NANOG: variants seen among roughly 807,000 people sequenced by gnomAD.
NANOG encodes the protein homeobox protein NANOG.
Under a neutral mutation model 17.7 loss-of-function variants are expected in NANOG, and 2 were observed. The ratio of observed to expected loss-of-function variants is 0.11; its 90% confidence interval spans 0.05 to 0.36. The LOEUF (loss-of-function observed/expected upper bound fraction) is 0.36, where lower values mean the gene tolerates loss of function less well. Ranked by LOEUF, NANOG falls within the 10% of genes least tolerant of loss-of-function variation. NANOG has a pLI of 1.00. For synonymous variants in NANOG, 81 were observed against 124.7 expected, an observed-to-expected ratio of 0.65 and a Z score of 2.33; for missense variants, 174 against 362.1, an observed-to-expected ratio of 0.48 and a Z score of 4.22.
chr12:7,796,391 C>T lies in NANOG; in HGVS notation c.*1296C>T, dbSNP rs7967839. The T allele has an allele frequency of 0.66, 100,549 of 151,768 alleles. 35,675 individuals are homozygous for T. Among genetic ancestry groups the T allele is most frequent in the Non-Finnish European group, 0.79 (53,936 of 67,874 alleles). 9.4% of individuals were successfully genotyped at this position (151,768 alleles called of 1,614,324 possible). On this transcript the variant is annotated 3_prime_UTR_variant, in exon 4 of 4. Transcript: ENST00000229307. ...CCAGTTTTAGAAAAAAGGGCACTTA[C>T]GTGCATTGTACATGTGCATCTACAA...
At position 7,793,936 on chromosome 12, in the gene NANOG, G is replaced by A. The variant is rs1292713304; in HGVS notation, c.415-521G>A. On this transcript the variant is annotated intron_variant, in intron 2 of 3. Transcript: ENST00000229307. The stretch of plus-strand genomic sequence containing the variant: ...TTACTGTATTTTTTAGTAGAGATGG[G>A]GCTTCACCATGTTGGCCAGGCTGGT... 2.6e-5 allele frequency among the ~76,000 whole-genome samples: 4 copies of A among 152,046 alleles called. No homozygotes were observed. The South Asian group carries it at 6.2e-4, about 24-fold the overall frequency.
At position 7,789,402 on chromosome 12, in the gene NANOG, A is replaced by G. The variant is rs745333587; in HGVS notation, c.-213A>G. 2.3e-5 allele frequency: 13 copies of G among 573,836 alleles called. No homozygotes were observed. In the East Asian group the frequency reaches 3.8e-4, roughly 17 times the overall value. 35.5% of individuals were successfully genotyped at this position (573,836 alleles called of 1,614,324 possible). ...GGTCTAAGGTGATAGAGCCTTCATTATAAATCTAGAGACTCCAGGATTTTA... is the reference window on the plus strand; with the variant it reads ...GGTCTAAGGTGATAGAGCCTTCATTGTAAATCTAGAGACTCCAGGATTTTA... On this transcript the variant is annotated 5_prime_UTR_variant, in exon 1 of 4. Transcript: ENST00000229307.
chr12:7,799,124 A>AT lies in NANOG; in HGVS notation c.*4030dup, dbSNP rs1219781700. 4 of 152,136 alleles carry AT rather than the reference A, an allele frequency of 2.6e-5. No homozygotes were observed. The highest frequency in any genetic ancestry group is 5.9e-5 in the Non-Finnish European group (4 of 68,044). The allele number at this position is 152,136 out of a possible 1,614,324, so 9.4% of individuals were successfully genotyped here. A position where few individuals can be genotyped will look rare whatever the true frequency, so the allele number is the denominator to read the frequency against. ...TTGGTGTAAACTCTGTGGTCCTTGAATAAAGTGTGCTTGAGAATTTTAGAA... is the reference window on the plus strand; with the variant it reads ...TTGGTGTAAACTCTGTGGTCCTTGAATTAAAGTGTGCTTGAGAATTTTAGAA... On this transcript the variant is annotated 3_prime_UTR_variant, in exon 4 of 4. Coordinates refer to ENST00000229307, the MANE Select transcript of NANOG (RefSeq NM_024865.4).
At chr12:7,790,842 C>T (rs771404603) in intron 1 of NANOG, among the ~76,000 whole-genome samples, 1 of 152,116 alleles carries the variant, frequency 6.6e-6, no homozygotes, top group Non-Finnish European at 1.5e-5. Context: ...ACCCTGAGAT[C>T]AAGTGATCCT....
rs1230007412 is a variant in NANOG, at chr12:7,797,838, A to G, written c.*2743A>G. On this transcript the variant is annotated 3_prime_UTR_variant, in exon 4 of 4. Coordinates refer to ENST00000229307, the MANE Select transcript of NANOG (RefSeq NM_024865.4). ...CAGCTAACTTTTGTGTTTTTAGGAG[A>G]GACGGGGTTTCCCCATGTTGGCCTG... The G allele has an allele frequency of 6.6e-6, 1 of 152,096 alleles. No individual in the cohort carries two copies. The highest frequency in any genetic ancestry group is 1.5e-5 in the Non-Finnish European group (1 of 68,088). 9.4% of individuals were successfully genotyped at this position (152,096 alleles called of 1,614,324 possible).
intron 2 of NANOG, 98 bp from the exon 3 acceptor site, chr12:7,794,359 T>G: frequency 2.6e-6 from 3 of 1,137,204 alleles, no homozygotes; most frequent in Non-Finnish European, 3.8e-6. Context: ...AGGCATGAGA[T>G]ATGGCACCTG....
Position 7,799,058 on chromosome 12 carries a change from G to C in NANOG, c.*3963G>C, listed in dbSNP as rs965650466. The C allele has an allele frequency of 1.3e-5, 2 of 151,898 alleles. No homozygotes were observed. The highest frequency in any genetic ancestry group is 4.8e-5 in the African/African-American group (2 of 41,364). 9.4% of individuals were successfully genotyped at this position (151,898 alleles called of 1,614,324 possible). On this transcript the variant is annotated 3_prime_UTR_variant, in exon 4 of 4. Coordinates refer to ENST00000229307, the MANE Select transcript of NANOG (RefSeq NM_024865.4). ...AAACTTGATTGAAAAGAAGCTGCTG[G>C]TGGTGAGTCTCTCCTTAAGCTATTC...
At chr12:7,793,266 T>G (rs182340161) in intron 2 of NANOG, 54 bp downstream of exon 2, 1 of 1,571,208 alleles carries the variant, frequency 6.4e-7, no homozygotes, top group East Asian at 2.2e-5. Flanking sequence ...CTAATTTGCA[T>G]GGCTAAGACC....
chr12:7,790,676 A>C (rs1432409718), intron 1 of NANOG, among the ~76,000 whole-genome samples: 1 of 152,200 alleles, frequency 6.6e-6, no homozygotes, highest in Admixed American at 6.5e-5. Context: ...ACAGTTGTAA[A>C]GAGTAGGTTG....
In NANOG at chr12:7,796,127, T is replaced by C. The variant is rs1270872556; in HGVS notation, c.*1032T>C. 6.6e-6 allele frequency: 1 copy of C among 152,114 alleles called. No individual in the cohort carries two copies. Among genetic ancestry groups the C allele is most frequent in the Non-Finnish European group, 1.5e-5 (1 of 68,032 alleles). The allele number at this position is 152,114 out of a possible 1,614,324, so 9.4% of individuals were successfully genotyped here. ...GCTGAGGACACTGCTATCTTAGAAA[T>C]GCATAGAAATAGCTGAGCGTGGTGG... On this transcript the variant is annotated 3_prime_UTR_variant, in exon 4 of 4. Transcript: ENST00000229307.
In NANOG at chr12:7,797,299, A is replaced by G. The variant is rs12826456; in HGVS notation, c.*2204A>G. On this transcript the variant is annotated 3_prime_UTR_variant, in exon 4 of 4. Coordinates refer to ENST00000229307, the MANE Select transcript of NANOG (RefSeq NM_024865.4). Reference sequence around the variant, plus strand: ...TCGAACTCCTGACCTCAGGTGATCCACCTGACTCGGCCTCCCAAAGTGGTG... The same window carrying G: ...TCGAACTCCTGACCTCAGGTGATCCGCCTGACTCGGCCTCCCAAAGTGGTG... 98,952 of 148,952 alleles carry G rather than the reference A, an allele frequency of 0.66. 35,169 individuals are homozygous for G. The highest frequency in any genetic ancestry group is 0.8 in the Non-Finnish European group (53,844 of 67,656). 9.2% of individuals were successfully genotyped at this position (148,952 alleles called of 1,614,324 possible).
Position 7,793,035 on chromosome 12 carries a change from T to G in NANOG, c.237T>G (p.Ser79=). Residue 79 remains serine, a synonymous_variant, in exon 2 of 4, where the codon TCT becomes TCG. Coordinates refer to ENST00000229307, the MANE Select transcript of NANOG (RefSeq NM_024865.4). ...STSPKGKQPT[S]AEKSVAKKED... is the part of the protein sequence containing the mutation. ...GTCCCAAAGGCAAACAACCCACTTCTGCAGAGAAGAGTGTCGCAAAAAAGG... is the reference window on the plus strand; with the variant it reads ...GTCCCAAAGGCAAACAACCCACTTCGGCAGAGAAGAGTGTCGCAAAAAAGG... 2.5e-6 allele frequency: 4 copies of G among 1,609,626 alleles called. No homozygotes were observed. The highest frequency in any genetic ancestry group is 3.4e-6 in the Non-Finnish European group (4 of 1,176,642).
Position 7,797,576 on chromosome 12 carries a change from C to CA in NANOG, c.*2481_*2482insA, listed in dbSNP as rs1037423484. On this transcript the variant is annotated 3_prime_UTR_variant, in exon 4 of 4. Coordinates refer to ENST00000229307, the MANE Select transcript of NANOG (RefSeq NM_024865.4). ...TTCACCGTATTGACCAGGCTGGTCT[C>CA]GAACTCCTGACCTCAGGTAATCCAC... The CA allele has an allele frequency of 1.3e-5, 2 of 151,954 alleles. No homozygotes were observed. Among genetic ancestry groups the CA allele is most frequent in the African/African-American group, 4.8e-5 (2 of 41,318 alleles). 9.4% of individuals were successfully genotyped at this position (151,954 alleles called of 1,614,324 possible). A position where few individuals can be genotyped will look rare whatever the true frequency, so the allele number is the denominator to read the frequency against.
chr12:7,791,811 A>AG (rs1862844599), intron 1 of NANOG, among the ~76,000 whole-genome samples: 1 of 152,234 alleles, frequency 6.6e-6, no homozygotes, highest in East Asian at 1.9e-4. Context: ...GAGCTAGTAA[A>AG]GGGAAGGCCT....
Position 7,795,812 on chromosome 12 carries a change from G to GGT in NANOG, c.*718_*719dup, listed in dbSNP as rs776236707. Reference sequence around the variant, plus strand: ...TTGCTTATTTTTTAAAAACTATTGAGGTAAAGGGTTAAGCTGTAACATACT... The same window carrying GGT: ...TTGCTTATTTTTTAAAAACTATTGAGGTGTAAAGGGTTAAGCTGTAACATACT... On this transcript the variant is annotated 3_prime_UTR_variant, in exon 4 of 4. Transcript: ENST00000229307. 36 of 146,998 alleles carry GGT rather than the reference G, an allele frequency of 2.4e-4. No homozygotes were observed. The highest frequency in any genetic ancestry group is 8.7e-4 in the African/African-American group (35 of 40,348). 9.1% of individuals were successfully genotyped at this position (146,998 alleles called of 1,614,324 possible).
At position 7,796,288 on chromosome 12, in the gene NANOG, A is replaced by AAAATAAATAAATAAATAAATAAAT. The variant is rs201963033; in HGVS notation, c.*1211_*1212insATAAATAAATAAATAAATAAATAA. The AAAATAAATAAATAAATAAATAAAT allele has an allele frequency of 1.2e-4, 18 of 152,070 alleles. No individual in the cohort carries two copies. Among genetic ancestry groups the AAAATAAATAAATAAATAAATAAAT allele is most frequent in the African/African-American group, 4.1e-4 (17 of 41,378 alleles). 9.4% of individuals were successfully genotyped at this position (152,070 alleles called of 1,614,324 possible). A position where few individuals can be genotyped will look rare whatever the true frequency, so the allele number is the denominator to read the frequency against. On this transcript the variant is annotated 3_prime_UTR_variant, in exon 4 of 4. Coordinates refer to ENST00000229307, the MANE Select transcript of NANOG (RefSeq NM_024865.4). ...CGACAAGAGCAAAACTCCCATCTCA[A>AAAATAAATAAATAAATAAATAAAT]AAATAAATAAATAAATAAGTAAATA...
rs1232214655 is a variant in NANOG, at chr12:7,789,675, G to C, written c.61G>C (p.Glu21Gln). The C allele has an allele frequency of 2.5e-6, 4 of 1,614,230 alleles. No homozygotes were observed. Among genetic ancestry groups the C allele is most frequent in the South Asian group, 1.1e-5 (1 of 91,092 alleles). ...TTGCTTTGAAGCATCCGACTGTAAA[G>C]AATCTTCACCTATGCCTGTGATTTG... is the stretch of plus-strand genomic sequence containing the variant. ...LPCFEASDCK[E>Q]SSPMPVICGP... The change falls in exon 1 of 4, where the codon GAA (glutamate) becomes CAA (glutamine). Residue 21 changes from glutamate to glutamine, a missense_variant. This residue lies in a region of NANOG where 158 missense variants were observed against 244.2 expected (regional missense o/e 0.65). Coordinates refer to ENST00000229307, the MANE Select transcript of NANOG (RefSeq NM_024865.4).
At position 7,789,410 on chromosome 12, in the gene NANOG, A is replaced by G; in HGVS notation, c.-205A>G. The G allele has an allele frequency of 1.7e-6, 1 of 582,992 alleles. No homozygotes were observed. Among genetic ancestry groups the G allele is most frequent in the South Asian group, 2.1e-5 (1 of 47,098 alleles). The allele number at this position is 582,992 out of a possible 1,614,324, so 36.1% of individuals were successfully genotyped here. A position where few individuals can be genotyped will look rare whatever the true frequency, so the allele number is the denominator to read the frequency against. ...GTGATAGAGCCTTCATTATAAATCT[A>G]GAGACTCCAGGATTTTAACGTTCTG... On this transcript the variant is annotated 5_prime_UTR_variant, in exon 1 of 4. Coordinates refer to ENST00000229307, the MANE Select transcript of NANOG (RefSeq NM_024865.4).
chr12:7,791,025 G>A (rs764080661), intron 1 of NANOG, among the ~76,000 whole-genome samples: 1 of 151,600 alleles, frequency 6.6e-6, no homozygotes, highest in Non-Finnish European at 1.5e-5. Flanking sequence ...GATTACAGGC[G>A]CTGACCCACT....
Sources: allele counts gnomAD v4.1 joint callset (sites outside exome capture counted in the v4.1 genomes callset), GRCh38; gene constraint gnomAD v4.1.1; regional missense constraint gnomAD v4.1.1; transcripts MANE v1.5; gene names NCBI Gene and HGNC (gene_info 2026-07-23, HGNC 2026-07-21).